The following UMAD1 variants were observed in gnomAD, a reference collection of about 807,000 sequenced individuals.
UMAD1 encodes the protein UBAP1-MVB12-associated (UMA)-domain containing protein 1.
UMAD1 carries 8 observed loss-of-function variants against 6.1 expected under a neutral mutation model. The observed-to-expected ratio is 1.30, with a 90% CI of 0.76 to 2.35. The LOEUF (loss-of-function observed/expected upper bound fraction) is 2.35. Ranked by LOEUF, UMAD1 falls within the 30% of genes most tolerant of loss-of-function variation. UMAD1 has a pLI of 0.00. For missense variants in UMAD1, 130 were observed against 78.4 expected (o/e 1.66, Z -2.49); for synonymous variants, 56 against 31.4 (o/e 1.78, Z -2.61).
chr7:7,775,410 T>G (rs1464561393), intron 2 of UMAD1, among the ~76,000 whole-genome samples: 1 of 152,102 alleles, frequency 6.6e-6, no homozygotes, highest in Non-Finnish European at 1.5e-5. Flanking sequence ...CTCATGAGAT[T>G]TGATGGTTTT....
rs187835165 is a variant in UMAD1 at position 7,729,572 on chromosome 7, C to G, written c.82+56119C>G. Among the ~76,000 whole-genome samples, 711 of 152,198 alleles carry G rather than the reference C, an allele frequency of 4.7e-3. 6 individuals are homozygous for G. Among genetic ancestry groups the G allele is most frequent in the Non-Finnish European group, 6.1e-3 (417 of 67,994 alleles). ...TGCCATCTTCTGAGCTTGCATTTGC[C>G]CATTGTTATCCTCTACTCACTCTGG... On this transcript the variant is annotated intron_variant, in intron 2 of 3. Coordinates refer to ENST00000682710, the MANE Select transcript of UMAD1 (RefSeq NM_001302348.2).
At chr7:7,792,006 G>A (rs1324540069) in intron 2 of UMAD1, among the ~76,000 whole-genome samples, 1 of 152,132 alleles carries the variant, frequency 6.6e-6, no homozygotes, top group East Asian at 1.9e-4. Flanking sequence ...CTTTTTATTA[G>A]CTCTTAGTGA....
At chr7:7,851,793 A>G (rs1471797577) in intron 3 of UMAD1, among the ~76,000 whole-genome samples, 3 of 152,180 alleles carry the variant, frequency 2.0e-5, no homozygotes, top group African/African-American at 7.2e-5. Flanking sequence ...CCTTTATCAA[A>G]TATATACTTT....
At chr7:7,756,150 G>A (rs1421711026) in intron 2 of UMAD1, among the ~76,000 whole-genome samples, 1 of 152,084 alleles carries the variant, frequency 6.6e-6, no homozygotes, top group Non-Finnish European at 1.5e-5. Flanking sequence ...GACCCCAAAG[G>A]GTAAAGACGG....
At chr7:7,720,092 C>G (rs778062570) in intron 2 of UMAD1, among the ~76,000 whole-genome samples, 17 of 152,026 alleles carry the variant, frequency 1.1e-4, no homozygotes, top group Non-Finnish European at 2.2e-4. Flanking sequence ...TGGAAAAGTG[C>G]TACAGAACCT....
At chr7:7,675,680 C>T (rs908241826) in intron 2 of UMAD1, among the ~76,000 whole-genome samples, 4 of 152,178 alleles carry the variant, frequency 2.6e-5, no homozygotes, top group African/African-American at 9.7e-5. Context: ...GGAATTTTCC[C>T]AGGACCATCT....
rs142893533 is a variant in UMAD1, at chr7:7,698,846, G to A, written c.82+25393G>A. Among the ~76,000 whole-genome samples, 448 of 148,866 alleles carry A rather than the reference G, an allele frequency of 3.0e-3. 10 individuals carry two copies. In the South Asian group the frequency reaches 0.043, roughly 14 times the overall value. The stretch of plus-strand genomic sequence containing the variant: ...CATGACATTTCTGGCTGTGGATTTC[G>A]TTTCCACCAACTCACCCTCTTGTCT... On this transcript the variant is annotated intron_variant, in intron 2 of 3. Coordinates refer to ENST00000682710, the MANE Select transcript of UMAD1 (RefSeq NM_001302348.2).
intron 3 of UMAD1, among the ~76,000 whole-genome samples, chr7:7,837,836 C>T (rs59238573): frequency 0.027 from 4,067 of 152,058 alleles, 175 homozygotes; most frequent in African/African-American, 0.093. Context: ...CTGTGGTTTA[C>T]GTGAAAACCC....
At position 7,847,102 on chromosome 7, in the gene UMAD1, AAAATATATATATATATAT is replaced by A. The variant is rs1226339146; in HGVS notation, c.157-30177_157-30160del. Reference sequence around the variant, plus strand: ...GACAGCAATGCAAAAAAAAAAAAAAAAAATATATATATATATATATATATATATATATATATATATATA... The same window carrying A: ...GACAGCAATGCAAAAAAAAAAAAAAAATATATATATATATATATATATATA... On this transcript the variant is annotated intron_variant, in intron 3 of 3. Coordinates refer to ENST00000682710, the MANE Select transcript of UMAD1 (RefSeq NM_001302348.2). Among the ~76,000 whole-genome samples, 34 of 20,258 alleles carry A rather than the reference AAAATATATATATATATAT, an allele frequency of 1.7e-3. 1 individual carries two copies. Among genetic ancestry groups the A allele is most frequent in the African/African-American group, 9.0e-3 (28 of 3,128 alleles). The allele number at this position is 20,258 out of a possible 152,430, so 13.3% of individuals were successfully genotyped here.
chr7:7,807,913 T>A (rs1378215063), intron 3 of UMAD1, among the ~76,000 whole-genome samples: 1 of 152,092 alleles, frequency 6.6e-6, no homozygotes, highest in Admixed American at 6.6e-5. Flanking sequence ...GTTTCCTATG[T>A]ATCATCCTAA....
chr7:7,755,638 A>C (rs751005454), intron 2 of UMAD1, among the ~76,000 whole-genome samples: 1 of 152,214 alleles, frequency 6.6e-6, no homozygotes. Context: ...AAGACACTCC[A>C]AAATGGTTTC....
chr7:7,666,285 G>C (rs1730093649), intron 1 of UMAD1, among the ~76,000 whole-genome samples: 1 of 151,860 alleles, frequency 6.6e-6, no homozygotes, highest in Admixed American at 6.6e-5. Context: ...CTCATTGCAT[G>C]CTCGACATCC....
At chr7:7,673,601 A>G (rs1356818361) in intron 2 of UMAD1, 148 bp downstream of exon 2, 2 of 600,634 alleles carry the variant, frequency 3.3e-6, no homozygotes, top group African/African-American at 3.7e-5. Context: ...ATCTGTAAAG[A>G]TGAAAGTCAT....
chr7:7,682,737 C>G (rs985613078), intron 2 of UMAD1, among the ~76,000 whole-genome samples: 2 of 152,164 alleles, frequency 1.3e-5, no homozygotes, highest in Non-Finnish European at 2.9e-5. Flanking sequence ...TCCTTACCCA[C>G]GTATCGGGAT....
intron 2 of UMAD1, among the ~76,000 whole-genome samples, chr7:7,695,753 A>G (rs1780298791): frequency 6.6e-6 from 1 of 152,166 alleles, no homozygotes; most frequent in Admixed American, 6.6e-5. Context: ...ATATCTATGT[A>G]TGTTGGGAAT....
intron 2 of UMAD1, chr7:7,687,103 T>C (rs1780058052): frequency 6.6e-6 from 1 of 152,246 alleles, no homozygotes; most frequent in South Asian, 2.1e-4. Flanking sequence ...GCAACTATTT[T>C]ATTATGTGAT....
At chr7:7,737,560 C>T (rs6972438) in intron 2 of UMAD1, among the ~76,000 whole-genome samples, 45,040 of 151,908 alleles carry the variant, frequency 0.3, 7,674 homozygotes, top group African/African-American at 0.48. Context: ...AAGAACTTAA[C>T]CACTGGGAAA....
intron 2 of UMAD1, among the ~76,000 whole-genome samples, chr7:7,721,106 C>T (rs1563154414): frequency 6.6e-6 from 1 of 152,116 alleles, no homozygotes; most frequent in Admixed American, 6.6e-5. Flanking sequence ...ACCACCAGAG[C>T]TAGGAAGAGG....
At chr7:7,709,795 A>T (rs75910950) in intron 2 of UMAD1, among the ~76,000 whole-genome samples, 1 of 152,056 alleles carries the variant, frequency 6.6e-6, no homozygotes, top group African/African-American at 2.4e-5. Context: ...TTTTTTTTAA[A>T]TAATGAGAAC....
Sources: gnomAD v4.1 joint callset for allele counts (sites outside exome capture counted in the v4.1 genomes callset) on GRCh38, gnomAD v4.1.1 for gene constraint, MANE v1.5 for transcripts, NCBI Gene and HGNC (gene_info 2026-07-23, HGNC 2026-07-21) for gene names.